The following DAB1 variants were observed in gnomAD, a reference collection of about 807,000 sequenced individuals.
DAB1 encodes the protein disabled homolog 1.
Under a neutral mutation model 64.6 loss-of-function variants are expected in DAB1, and 15 were observed. The ratio of observed to expected loss-of-function variants is 0.23; its 90% CI spans 0.16 to 0.36. The LOEUF (loss-of-function observed/expected upper bound fraction) is 0.36. Among genes scored for constraint, DAB1 ranks in the 10% least tolerant of loss-of-function variants. The probability of loss-of-function intolerance (pLI) is 1.00; values close to 1 mark genes in which losing one functional copy is unlikely to be tolerated. For missense variants in DAB1, 596 were observed against 706.7 expected (o/e 0.84, Z 1.78); for synonymous variants, 235 against 251.9 (o/e 0.93, Z 0.64).
At chr1:57,137,022 T>C (rs1658186562) in intron 3 of DAB1, among the ~76,000 whole-genome samples, 1 of 152,168 alleles carries the variant, frequency 6.6e-6, no homozygotes, top group Non-Finnish European at 1.5e-5. Context: ...GAAGGTGAGC[T>C]GCTAAGTATA....
At chr1:57,024,598 T>C (rs2100385621) in intron 10 of DAB1, among the ~76,000 whole-genome samples, 1 of 152,278 alleles carries the variant, frequency 6.6e-6, no homozygotes, top group Admixed American at 6.5e-5. Context: ...GGACTGCGCT[T>C]GGGTTCAGGG....
intron 4 of DAB1, among the ~76,000 whole-genome samples, chr1:58,211,871 C>A (rs1227269236): frequency 2.0e-5 from 3 of 152,088 alleles, no homozygotes; most frequent in African/African-American, 7.2e-5. Context: ...CTGCCTGCAA[C>A]AGACACATAA....
At chr1:57,283,700 T>C (rs187985864) in intron 2 of DAB1, among the ~76,000 whole-genome samples, 110 of 152,330 alleles carry the variant, frequency 7.2e-4, no homozygotes, top group African/African-American at 2.5e-3. Flanking sequence ...AAGTCTTCAT[T>C]GTAAGGAAGA....
chr1:58,496,001 C>G (rs1218333803), intron 3 of DAB1, among the ~76,000 whole-genome samples: 13 of 152,084 alleles, frequency 8.5e-5, no homozygotes, highest in Admixed American at 7.9e-4. Context: ...ATGGATGATA[C>G]TCTGGGAATC....
intron 3 of DAB1, among the ~76,000 whole-genome samples, chr1:58,363,334 C>T (rs1037608622): frequency 2.0e-5 from 3 of 152,162 alleles, no homozygotes; most frequent in African/African-American, 4.8e-5. Flanking sequence ...TTTCCAAGGA[C>T]CTATAATGAC....
At chr1:57,152,168 TCA>T (rs1267496020) in intron 2 of DAB1, among the ~76,000 whole-genome samples, 1 of 152,204 alleles carries the variant, frequency 6.6e-6, no homozygotes, top group Non-Finnish European at 1.5e-5. Flanking sequence ...CTACTTGGTA[TCA>T]TTTGTGGCTG....
intron 6 of DAB1, among the ~76,000 whole-genome samples, chr1:57,746,095 T>C (rs1206545636): frequency 6.6e-6 from 1 of 152,198 alleles, no homozygotes; most frequent in African/African-American, 2.4e-5. Context: ...TTGATGAACA[T>C]ACAGGTGGTT....
At chr1:57,034,559 C>T (rs1463602798) in intron 9 of DAB1, among the ~76,000 whole-genome samples, 1 of 152,184 alleles carries the variant, frequency 6.6e-6, no homozygotes, top group East Asian at 1.9e-4. Flanking sequence ...CGAGAAGTAG[C>T]TGGCAGTGGG....
intron 7 of DAB1, among the ~76,000 whole-genome samples, chr1:57,623,213 A>G (rs1301591116): frequency 6.6e-6 from 1 of 152,154 alleles, no homozygotes; most frequent in Non-Finnish European, 1.5e-5. Context: ...GCAGGGAAGC[A>G]TGGGCCACAG....
At chr1:57,834,630 C>G (rs1019573263) in intron 1 of DAB1, among the ~76,000 whole-genome samples, 1 of 151,388 alleles carries the variant, frequency 6.6e-6, no homozygotes, top group Non-Finnish European at 1.5e-5. Flanking sequence ...TATACATACA[C>G]AGTTTTATAT....
At chr1:57,337,630 G>A (rs925554266) in intron 1 of DAB1, among the ~76,000 whole-genome samples, 1 of 152,136 alleles carries the variant, frequency 6.6e-6, no homozygotes, top group South Asian at 2.1e-4. Flanking sequence ...TCCCATGATG[G>A]CAGAATCTGG....
intron 2 of DAB1, among the ~76,000 whole-genome samples, chr1:57,277,546 T>C (rs1190817938): frequency 1.3e-5 from 2 of 152,308 alleles, no homozygotes; most frequent in South Asian, 4.1e-4. Flanking sequence ...CCACCTGCTA[T>C]CAAGCATCAA....
chr1:58,513,168 G>A (rs528808700), intron 2 of DAB1, among the ~76,000 whole-genome samples: 1 of 152,104 alleles, frequency 6.6e-6, no homozygotes, highest in African/African-American at 2.4e-5. Context: ...TGCTGTTCTC[G>A]TGATACTGAG....
intron 3 of DAB1, among the ~76,000 whole-genome samples, chr1:58,474,478 C>G (rs111625587): frequency 4.6e-5 from 7 of 152,100 alleles, no homozygotes; most frequent in African/African-American, 1.7e-4. Context: ...GTGATAAGCT[C>G]AGGTCAAAGC....
intron 7 of DAB1, among the ~76,000 whole-genome samples, chr1:57,503,919 C>T (rs1558441404): frequency 2.0e-5 from 3 of 152,206 alleles, no homozygotes; most frequent in African/African-American, 2.4e-5. Flanking sequence ...GGGGTCTTAT[C>T]GTAGCTGTCC....
intron 9 of DAB1, among the ~76,000 whole-genome samples, chr1:57,055,536 C>A (rs1364870203): frequency 3.9e-5 from 6 of 152,130 alleles, no homozygotes; most frequent in Non-Finnish European, 7.4e-5. Context: ...ATACCTGGGC[C>A]CTAGCTCATC....
chr1:57,384,651 T>C (rs1001653450), intron 1 of DAB1, among the ~76,000 whole-genome samples: 1 of 152,146 alleles, frequency 6.6e-6, no homozygotes, highest in African/African-American at 2.4e-5. Flanking sequence ...AATAAGCCAA[T>C]CACAATTCTA....
At chr1:57,775,748 T>G (rs1304249890) in intron 6 of DAB1, among the ~76,000 whole-genome samples, 2 of 151,578 alleles carry the variant, frequency 1.3e-5, no homozygotes, top group Non-Finnish European at 3.0e-5. Flanking sequence ...AGCTTCTATA[T>G]TCTACTGATT....
At chr1:58,015,266 C>A (rs150381585) in intron 5 of DAB1, among the ~76,000 whole-genome samples, 1 of 152,152 alleles carries the variant, frequency 6.6e-6, no homozygotes, top group Non-Finnish European at 1.5e-5. Context: ...CCTTAGGCAT[C>A]CCTCATGGTT....
Sources: gnomAD v4.1 joint callset for allele counts (sites outside exome capture counted in the v4.1 genomes callset) on GRCh38, gnomAD v4.1.1 for gene constraint, MANE v1.5 for transcripts, NCBI Gene and HGNC (gene_info 2026-07-23, HGNC 2026-07-21) for gene names.